Variants in CCDC40 observed in about 807,000 individuals in gnomAD.
CCDC40 encodes coiled-coil domain-containing protein 40.
CCDC40 carries 104 observed loss-of-function variants against 124.5 expected under a neutral mutation model. The observed-to-expected ratio is 0.84, with a 90% CI of 0.71 to 0.98. CCDC40 has a LOEUF of 0.98. Ranked by LOEUF, CCDC40 falls within the 50% of genes least tolerant of loss-of-function variation. The pLI, the probability that CCDC40 is intolerant of heterozygous loss-of-function variation, is 0.00. For synonymous variants in CCDC40, 580 were observed against 602.9 expected, an observed-to-expected ratio of 0.96 and a Z score of 0.56; for missense variants, 1,463 against 1,503.9, an observed-to-expected ratio of 0.97 and a Z score of 0.45.
chr17:80,089,581 C>G, intron 16 of CCDC40, 183 bp from the exon 17 acceptor site: 1 of 418,298 alleles, frequency 2.4e-6, no homozygotes, highest in East Asian at 7.0e-5. Context: ...CAGAGGTTGG[C>G]AAACGTTTGC....
intron 10 of CCDC40, among the ~76,000 whole-genome samples, chr17:80,070,005 G>A (rs936439153): frequency 1.3e-5 from 2 of 152,206 alleles, no homozygotes; most frequent in Non-Finnish European, 2.9e-5. Flanking sequence ...GCTAGGCAAC[G>A]AGCGGGTGAT....
intron 1 of CCDC40, among the ~76,000 whole-genome samples, chr17:80,037,413 G>A (rs1336454650): frequency 6.6e-6 from 1 of 151,894 alleles, no homozygotes; most frequent in Non-Finnish European, 1.5e-5. Context: ...TTTTAAAGGT[G>A]GGTCTGTATG....
intron 19 of CCDC40, among the ~76,000 whole-genome samples, chr17:80,099,163 C>T (rs1351886157): frequency 1.3e-5 from 2 of 151,650 alleles, no homozygotes; most frequent in Non-Finnish European, 2.9e-5. Flanking sequence ...TGGTGACGGG[C>T]ATCTGTAGTC....
rs147214412 is a variant in CCDC40, at chr17:80,059,351, G to A, written c.1440+371G>A. 3.5e-3 allele frequency among the ~76,000 whole-genome samples: 537 copies of A among 152,194 alleles called. 1 individual carries two copies. Among genetic ancestry groups the A allele is most frequent in the African/African-American group, 0.012 (511 of 41,538 alleles). On this transcript the variant is annotated intron_variant, in intron 9 of 19. Coordinates refer to ENST00000397545, the MANE Select transcript of CCDC40 (RefSeq NM_017950.4). ...ACAATTCTCACCCCCGTGGGCAGCC[G>A]GCCTTCCGGGTAGCTCCTACATCTC... is the stretch of plus-strand genomic sequence containing the variant.
rs1277630387 is a variant in CCDC40, at chr17:80,056,718, G to A, written c.1160-1776G>A. Among the ~76,000 whole-genome samples the A allele has an allele frequency of 2.6e-5, 4 of 151,974 alleles. No homozygotes were observed. In the East Asian group the frequency reaches 7.7e-4, roughly 29 times the overall value. On this transcript the variant is annotated intron_variant, in intron 7 of 19. Transcript: ENST00000397545. ...TATCCAAGACAATTTTGAAAAGGAA[G>A]GATAATGAAAGAAATATTTAAGAAT...
intron 9 of CCDC40, among the ~76,000 whole-genome samples, chr17:80,065,042 T>G: frequency 8.5e-6 from 1 of 117,810 alleles, no homozygotes; most frequent in Admixed American, 8.4e-5. Flanking sequence ...CCTCTCCGTC[T>G]TCCCCCTCCC....
intron 3 of CCDC40, among the ~76,000 whole-genome samples, chr17:80,045,469 C>T (rs1217358431): frequency 1.3e-5 from 2 of 152,150 alleles, no homozygotes; most frequent in African/African-American, 2.4e-5. Context: ...TTTGCGAGGC[C>T]GAGGCGGGTG....
intron 12 of CCDC40, among the ~76,000 whole-genome samples, chr17:80,082,936 T>C (rs1387127670): frequency 6.6e-6 from 1 of 152,136 alleles, no homozygotes; most frequent in Non-Finnish European, 1.5e-5. Context: ...CCCGACACGA[T>C]GTTTGAACTG....
At position 80,099,523 on chromosome 17, in the gene CCDC40, C is replaced by G. The variant is rs1211505052; in HGVS notation, c.3181-4C>G. ...CCCTATATGGAGTCTCTTTTCCTAC[C>G]CAGAACCTTTCAGAGATCGTGGCCC... is the stretch of plus-strand genomic sequence containing the variant. On this transcript the variant is annotated splice_polypyrimidine_tract_variant and splice_region_variant and intron_variant, in intron 19 of 19. Transcript: ENST00000397545. 10 of 1,606,798 alleles carry G rather than the reference C, an allele frequency of 6.2e-6. No individual in the cohort carries two copies. The highest frequency in any genetic ancestry group is 1.7e-4 in the Middle Eastern group (1 of 6,060).
At chr17:80,037,224 G>A (rs1162753595) in intron 1 of CCDC40, among the ~76,000 whole-genome samples, 1 of 152,184 alleles carries the variant, frequency 6.6e-6, no homozygotes, top group Non-Finnish European at 1.5e-5. Flanking sequence ...GGCGGCCCGC[G>A]ATAGTCCGCG....
chr17:80,087,446 G>A lies in CCDC40; in HGVS notation c.2450-161G>A, dbSNP rs1441898440. 1.4e-6 allele frequency: 1 copy of A among 694,780 alleles called. No homozygotes were observed. The highest frequency in any genetic ancestry group is 2.6e-6 in the Non-Finnish European group (1 of 377,970). The allele number at this position is 694,780 out of a possible 1,614,324, so 43.0% of individuals were successfully genotyped here. A position where few individuals can be genotyped will look rare whatever the true frequency, so the allele number is the denominator to read the frequency against. ...CCTCTCCTCTCCTCTGTCCTGGCAG[G>A]GACGAGATTCAGGCAGGAGCGCCAG... On this transcript the variant is annotated intron_variant, in intron 14 of 19. Coordinates refer to ENST00000397545, the MANE Select transcript of CCDC40 (RefSeq NM_017950.4). The surrounding 1 kb of genome is among the most constrained non-coding windows in gnomAD (Gnocchi z 4.5).
At chr17:80,048,821 C>G in intron 5 of CCDC40, 60 bp downstream of exon 5, 1 of 1,419,332 alleles carries the variant, frequency 7.0e-7, no homozygotes, top group Non-Finnish European at 9.7e-7. Flanking sequence ...ACTCAGGCCC[C>G]TTTCTCTGCC....
At chr17:80,049,854 G>A (rs888405539) in intron 5 of CCDC40, 52 bp from the exon 6 acceptor site, 32 of 1,530,200 alleles carry the variant, frequency 2.1e-5, no homozygotes, top group Middle Eastern at 1.7e-4. Context: ...GCCCTGGGTC[G>A]GGCAGGAGGG....
intron 7 of CCDC40, among the ~76,000 whole-genome samples, chr17:80,051,808 C>T (rs576579725): frequency 1.0e-3 from 159 of 152,358 alleles, no homozygotes; most frequent in South Asian, 2.7e-3. Context: ...AACTGCTCCC[C>T]ACACCTGCAG....
Position 80,040,000 on chromosome 17 carries a change from A to G in CCDC40, c.282A>G (p.Glu94=). The change falls in exon 3 of 20, where the codon GAA becomes GAG. Residue 94 remains glutamate (E), a synonymous_variant. Coordinates refer to ENST00000397545, the MANE Select transcript of CCDC40 (RefSeq NM_017950.4). The part of the protein sequence containing the change: ...VSYGDAESEE[E]YYYTETSSPE... ...ATGGAGATGCTGAAAGCGAAGAGGAATATTACTATACAGAAACTTCATCCC... is the reference window on the plus strand; with the variant it reads ...ATGGAGATGCTGAAAGCGAAGAGGAGTATTACTATACAGAAACTTCATCCC... 1.2e-6 allele frequency: 2 copies of G among 1,614,172 alleles called. No individual in the cohort carries two copies. Among genetic ancestry groups the G allele is most frequent in the African/African-American group, 2.7e-5 (2 of 75,060 alleles).
rs745925890 is a variant in CCDC40, at chr17:80,039,976, T to C, written c.258T>C (p.Tyr86=). ...AVEGEEEAVS[Y]GDAESEEEYY... The stretch of plus-strand genomic sequence containing the variant: ...AAGGGGAAGAGGAGGCTGTGTCCTA[T>C]GGAGATGCTGAAAGCGAAGAGGAAT... The change falls in exon 3 of 20, where the codon TAT becomes TAC. Residue 86 remains tyrosine, a synonymous_variant. Transcript: ENST00000397545. 4.0e-5 allele frequency: 64 copies of C among 1,613,796 alleles called. No homozygotes were observed. The highest frequency in any genetic ancestry group is 5.0e-5 in the Non-Finnish European group (59 of 1,179,956).
chr17:80,056,007 TATATA>T (rs1191444791), intron 7 of CCDC40, among the ~76,000 whole-genome samples: 2 of 41,772 alleles, frequency 4.8e-5, no homozygotes, highest in African/African-American at 1.9e-4. Context: ...TATATATATA[TATATA>T]TATATTTTTT....
rs747300417 is a variant in CCDC40, at chr17:80,036,701, G to T, written c.29+10G>T. ...GCGGCGCGGCGGGCCGGTAAGCCGG[G>T]CCGAGGGGCAGCGGGTCTTGGAGTC... On this transcript the variant is annotated intron_variant, in intron 1 of 19. Transcript: ENST00000397545. 1 of 1,465,262 alleles carries T rather than the reference G, an allele frequency of 6.8e-7. No homozygotes were observed. Among genetic ancestry groups the T allele is most frequent in the Non-Finnish European group, 9.0e-7 (1 of 1,109,698 alleles). The allele number at this position is 1,465,262 out of a possible 1,614,324, so 90.8% of individuals were successfully genotyped here.
intron 5 of CCDC40, 148 bp downstream of exon 5, chr17:80,048,909 T>C: frequency 1.3e-6 from 1 of 789,154 alleles, no homozygotes; most frequent in Middle Eastern, 2.8e-4. Context: ...TGGCACTGAT[T>C]GACCTGCCTC....
Sources: gnomAD v4.1 joint callset for allele counts (sites outside exome capture counted in the v4.1 genomes callset) on GRCh38, gnomAD v4.1.1 for gene constraint, Gnocchi (gnomAD v3.1) non-coding constraint, MANE v1.5 for transcripts, NCBI Gene and HGNC (gene_info 2026-07-23, HGNC 2026-07-21) for gene names.